The following RNFT2 variants were observed in gnomAD, a reference collection of about 807,000 sequenced individuals.
RNFT2 encodes the protein ring finger protein, transmembrane 2, also known as E3 ubiquitin-protein ligase RNFT2.
RNFT2 carries 36 observed loss-of-function variants against 53.0 expected under a neutral mutation model. The ratio of observed to expected loss-of-function variants is 0.68; its 90% CI spans 0.52 to 0.90. RNFT2 has a LOEUF of 0.90. RNFT2 is among the 40% of genes least tolerant of loss of function. The pLI, the probability that RNFT2 is intolerant of heterozygous loss-of-function variation, is 0.00. For missense variants in RNFT2, 514 were observed against 585.6 expected (o/e 0.88, Z 1.26); for synonymous variants, 260 against 253.2 (o/e 1.03, Z -0.26).
chr12:116,776,710 A>G (rs11829788), intron 6 of RNFT2, among the ~76,000 whole-genome samples: 1,811 of 152,302 alleles, frequency 0.012, 44 homozygotes, highest in African/African-American at 0.042. Context: ...CATCCATTCT[A>G]TGCTGAGTGT....
intron 7 of RNFT2, among the ~76,000 whole-genome samples, chr12:116,792,245 T>C (rs1050127172): frequency 2.0e-5 from 3 of 152,168 alleles, no homozygotes; most frequent in Admixed American, 6.5e-5. Context: ...AGACGGGGTT[T>C]CACCATGTTG....
chr12:116,776,344 A>G (rs1485616714), intron 6 of RNFT2, among the ~76,000 whole-genome samples: 1 of 152,216 alleles, frequency 6.6e-6, no homozygotes, highest in African/African-American at 2.4e-5. Flanking sequence ...GATAAGTCAG[A>G]TCTTCATTTG....
intron 6 of RNFT2, among the ~76,000 whole-genome samples, chr12:116,772,830 A>T (rs1455656071): frequency 6.6e-6 from 1 of 151,976 alleles, no homozygotes; most frequent in African/African-American, 2.4e-5. Flanking sequence ...TGCAAGGAGC[A>T]TTTCTTTATT....
At position 116,755,533 on chromosome 12, in the gene RNFT2, C is replaced by G. The variant is rs878935756; in HGVS notation, c.627+1473C>G. Reference sequence around the variant, plus strand: ...CTTTCTCTTCCGCTTCTTTCTTTTTCTGATCATTTTCCTTCATGCATTTCA... The same window carrying G: ...CTTTCTCTTCCGCTTCTTTCTTTTTGTGATCATTTTCCTTCATGCATTTCA... On this transcript the variant is annotated intron_variant, in intron 5 of 10. Transcript: ENST00000257575. The G allele has an allele frequency of 1.9e-5, 16 of 855,778 alleles. No homozygotes were observed. The South Asian group carries it at 2.1e-4, about 11-fold the overall frequency. The allele number at this position is 855,778 out of a possible 1,614,324, so 53.0% of individuals were successfully genotyped here.
At chr12:116,841,784 TATATATATAA>T (rs1257178390) in intron 10 of RNFT2, among the ~76,000 whole-genome samples, 2,516 of 102,306 alleles carry the variant, frequency 0.025, 235 homozygotes, top group African/African-American at 0.092. Flanking sequence ...TATATAAATA[TATATATATAA>T]ATATATATAT....
rs1877745739 is a variant in RNFT2 at position 116,848,770 on chromosome 12, C to G, written c.1201-544C>G. Among the ~76,000 whole-genome samples, 3 of 151,850 alleles carry G rather than the reference C, an allele frequency of 2.0e-5. No individual in the cohort carries two copies. The South Asian group carries it at 6.3e-4, about 32-fold the overall frequency. ...GTAAAGTTGTCCTTAACGTCCCAAC[C>G]CGCCCAAGCCCTCCCTGTTCCTTCT... On this transcript the variant is annotated intron_variant, in intron 10 of 10. Coordinates refer to ENST00000257575, the MANE Select transcript of RNFT2 (RefSeq NM_001382266.1).
In RNFT2 at chr12:116,750,312, G is replaced by C. The variant is rs759186517; in HGVS notation, c.550+5G>C. ...TGTGCTTTCAGCATAAGCTCGGTGA[G>C]TTCTGGGGGCATGGGTGTCCTAGCC... On this transcript the variant is annotated splice_donor_5th_base_variant and intron_variant, in intron 4 of 10. Transcript: ENST00000257575. The C allele has an allele frequency of 6.3e-7, 1 of 1,592,902 alleles. No individual in the cohort carries two copies. The highest frequency in any genetic ancestry group is 2.3e-5 in the East Asian group (1 of 44,334).
intron 3 of RNFT2, among the ~76,000 whole-genome samples, chr12:116,745,081 G>A (rs1566067292): frequency 6.6e-6 from 1 of 152,004 alleles, no homozygotes; most frequent in Non-Finnish European, 1.5e-5. Flanking sequence ...CCCAGTGGAG[G>A]AGGAGCGCAT....
chr12:116,852,050 C>T lies in RNFT2; in HGVS notation c.*2602C>T. The T allele has an allele frequency of 8.7e-7, 1 of 1,151,160 alleles. No individual in the cohort carries two copies. The highest frequency in any genetic ancestry group is 1.7e-5 in the South Asian group (1 of 60,360). The allele number at this position is 1,151,160 out of a possible 1,614,324, so 71.3% of individuals were successfully genotyped here. A position where few individuals can be genotyped will look rare whatever the true frequency, so the allele number is the denominator to read the frequency against. ...TGCTTCTGTGATCTCTATGACAGAG[C>T]CACTTCTCCACCTCTGAAATGTTCC... On this transcript the variant is annotated 3_prime_UTR_variant, in exon 11 of 11. Coordinates refer to ENST00000257575, the MANE Select transcript of RNFT2 (RefSeq NM_001382266.1).
intron 6 of RNFT2, 82 bp downstream of exon 6, chr12:116,766,996 T>C: frequency 2.2e-6 from 2 of 903,984 alleles, no homozygotes; most frequent in Non-Finnish European, 3.5e-6. Context: ...CACTTGAGAA[T>C]GAGGCACAAG....
chr12:116,791,334 G>A (rs568585928), intron 7 of RNFT2, among the ~76,000 whole-genome samples: 12 of 152,224 alleles, frequency 7.9e-5, no homozygotes, highest in African/African-American at 2.6e-4. Flanking sequence ...TTTTTGAGAC[G>A]GAGTCTCACC....
intron 7 of RNFT2, among the ~76,000 whole-genome samples, chr12:116,829,509 G>C (rs975070547): frequency 6.6e-6 from 1 of 152,208 alleles, no homozygotes; most frequent in African/African-American, 2.4e-5. Flanking sequence ...CAGGGGGTGA[G>C]TGATGATTGG....
At chr12:116,739,696 G>A (rs570700661) in intron 1 of RNFT2, among the ~76,000 whole-genome samples, 49 of 152,330 alleles carry the variant, frequency 3.2e-4, no homozygotes, top group African/African-American at 1.1e-3. Context: ...GAACAGAAGG[G>A]CCACTGTGGG....
intron 7 of RNFT2, among the ~76,000 whole-genome samples, chr12:116,796,451 C>A (rs1216490312): frequency 6.6e-6 from 1 of 152,278 alleles, no homozygotes; most frequent in East Asian, 1.9e-4. Context: ...TCAGCCAAAT[C>A]CCTGGACAAG....
At chr12:116,744,654 A>T (rs1400290316) in intron 3 of RNFT2, among the ~76,000 whole-genome samples, 1 of 152,206 alleles carries the variant, frequency 6.6e-6, no homozygotes, top group Non-Finnish European at 1.5e-5. Context: ...GGTTGCCTCA[A>T]GCTCTGGCGC....
chr12:116,754,905 G>T (rs1872432708), intron 5 of RNFT2, among the ~76,000 whole-genome samples: 1 of 152,206 alleles, frequency 6.6e-6, no homozygotes, highest in Non-Finnish European at 1.5e-5. Context: ...CAGATGTACA[G>T]ATTGTGAAGA....
intron 5 of RNFT2, among the ~76,000 whole-genome samples, chr12:116,762,973 T>C (rs1004021586): frequency 6.6e-6 from 1 of 152,090 alleles, no homozygotes; most frequent in Non-Finnish European, 1.5e-5. Flanking sequence ...TCCTAGCTAC[T>C]CAGGAGGCTG....
chr12:116,810,997 G>A (rs1044987537), intron 7 of RNFT2, among the ~76,000 whole-genome samples: 9 of 152,246 alleles, frequency 5.9e-5, no homozygotes, highest in Non-Finnish European at 1.3e-4. Context: ...GGGCTCTGGA[G>A]TCAGGTGGAT....
chr12:116,794,636 AG>A, intron 7 of RNFT2, among the ~76,000 whole-genome samples: 1 of 113,462 alleles, frequency 8.8e-6, no homozygotes, highest in Non-Finnish European at 1.8e-5. Context: ...AGAGAAGGGG[AG>A]GGGAGGGGAG....
Sources: gnomAD v4.1 joint callset for allele counts (sites outside exome capture counted in the v4.1 genomes callset) on GRCh38, gnomAD v4.1.1 for gene constraint, MANE v1.5 for transcripts, NCBI Gene and HGNC (gene_info 2026-07-23, HGNC 2026-07-21) for gene names.